Variants in CAPG observed in about 807,000 individuals in gnomAD.
The protein encoded by CAPG is capping actin protein, gelsolin like.
A neutral mutation model predicts 44.6 loss-of-function variants in CAPG; 32 were observed. The observed-to-expected ratio is 0.72, with a 90% CI of 0.54 to 0.96. The LOEUF is 0.96. Ranked by LOEUF, CAPG falls within the 50% of genes least tolerant of loss-of-function variation. The pLI is 0.00. For missense variants in CAPG, 412 were observed against 438.3 expected (o/e 0.94, Z 0.54); for synonymous variants, 175 against 179.6 (o/e 0.97, Z 0.20).
In CAPG at chr2:85,399,275, G is replaced by A. The variant is rs998330283; in HGVS notation, c.527C>T (p.Ala176Val). The change falls in exon 6 of 10, where the codon GCC becomes GTC. Residue 176 changes from alanine to valine, a missense_variant. Ala to Val is a moderately conservative substitution (Grantham distance 64). Coordinates refer to ENST00000263867, the MANE Select transcript of CAPG (RefSeq NM_001747.4). ...FILDLGQNIF[A>V]WCGGKSNILE... is the part of the protein sequence containing the mutation. The stretch of plus-strand genomic sequence containing the variant: ...GATGTTGGACTTTCCACCACACCAG[G>A]CGAAGATGTTCTGCAAGGAAGCAGG... The A allele has an allele frequency of 6.2e-7, 1 of 1,614,120 alleles. No individual in the cohort carries two copies. Among genetic ancestry groups the A allele is most frequent in the African/African-American group, 1.3e-5 (1 of 75,064 alleles).
At chr2:85,412,090 T>C (rs1483735579), upstream of CAPG, among the ~76,000 whole-genome samples, 1 of 149,822 alleles carries the variant, frequency 6.7e-6, no homozygotes, top group Non-Finnish European at 1.5e-5. Flanking sequence ...ACTGGATGAA[T>C]GTTTCTCATT....
intron 1 of CAPG, among the ~76,000 whole-genome samples, chr2:85,417,273 G>A (rs1189230763): frequency 6.6e-6 from 1 of 152,136 alleles, no homozygotes; most frequent in African/African-American, 2.4e-5. Flanking sequence ...CTCTAACATG[G>A]ATCCTCTTAT....
chr2:85,419,212 GC>G (rs1388409234), upstream of CAPG: 1 of 152,320 alleles, frequency 6.6e-6, no homozygotes, highest in African/African-American at 2.4e-5. Flanking sequence ...GGCGCCCTGC[GC>G]CCAGGCATCA....
chr2:85,401,482 C>T (rs1400000136), intron 4 of CAPG, 47 bp downstream of exon 4: 1 of 1,606,778 alleles, frequency 6.2e-7, no homozygotes, highest in Non-Finnish European at 8.5e-7. Context: ...GCAGGGCTGG[C>T]TCTGAGGGAA....
Position 85,395,704 on chromosome 2 carries a change from A to G in CAPG, c.893-78T>C, listed in dbSNP as rs1209255605. 2 of 1,046,188 alleles carry G rather than the reference A, an allele frequency of 1.9e-6. No homozygotes were observed. Among genetic ancestry groups the G allele is most frequent in the Non-Finnish European group, 2.9e-6 (2 of 693,448 alleles). 64.8% of individuals were successfully genotyped at this position (1,046,188 alleles called of 1,614,324 possible). A position where few individuals can be genotyped will look rare whatever the true frequency, so the allele number is the denominator to read the frequency against. On this transcript the variant is annotated intron_variant, in intron 8 of 9. Coordinates refer to ENST00000263867, the MANE Select transcript of CAPG (RefSeq NM_001747.4). This position sits in a 1 kb window ranked among gnomAD's most constrained non-coding sequence, Gnocchi z 4.3. ...CATCCCATTTTTCTTGAGGAAATTT[A>G]AGGGAGTCCACAGAAGAGCCAGCAA...
chr2:85,405,273 G>A (rs571927861), intron 1 of CAPG, among the ~76,000 whole-genome samples: 2 of 152,048 alleles, frequency 1.3e-5, no homozygotes, highest in Non-Finnish European at 2.9e-5. Context: ...CAACAGCTAC[G>A]GCTCCACTCA....
At chr2:85,404,486 C>T (rs1055080488) in intron 1 of CAPG, among the ~76,000 whole-genome samples, 1 of 152,164 alleles carries the variant, frequency 6.6e-6, no homozygotes, top group Admixed American at 6.5e-5. Flanking sequence ...TGCAGTGGCT[C>T]ACACCTGTAA....
rs1686937982 is a variant in CAPG, at chr2:85,402,221, C to T, written c.-13-63G>A. Reference sequence around the variant, plus strand: ...CACAAAAAGGACCTCTCACGTGGGGCTGGAGAGGCCCTTTCCAGTGGCCAA... The same window carrying T: ...CACAAAAAGGACCTCTCACGTGGGGTTGGAGAGGCCCTTTCCAGTGGCCAA... On this transcript the variant is annotated intron_variant, in intron 1 of 9. Coordinates refer to ENST00000263867, the MANE Select transcript of CAPG (RefSeq NM_001747.4). 15 of 1,382,364 alleles carry T rather than the reference C, an allele frequency of 1.1e-5. No individual in the cohort carries two copies. The South Asian group carries it at 1.7e-4, about 16-fold the overall frequency. 85.6% of individuals were successfully genotyped at this position (1,382,364 alleles called of 1,614,324 possible).
In CAPG at chr2:85,395,110, A is replaced by G; in HGVS notation, c.982-152T>C. The G allele has an allele frequency of 1.5e-6, 1 of 668,412 alleles. No individual in the cohort carries two copies. 41.4% of individuals were successfully genotyped at this position (668,412 alleles called of 1,614,324 possible). The stretch of plus-strand genomic sequence containing the variant: ...CAGGCTGGGAAAGCTCCCCTGGATG[A>G]GCCATGAGATGAGAACCAAGATTTC... On this transcript the variant is annotated intron_variant, in intron 9 of 9. Transcript: ENST00000263867. The surrounding 1 kb of genome is among the most constrained non-coding windows in gnomAD (Gnocchi z 4.3).
At chr2:85,408,655 AG>A (rs926151356) in intron 1 of CAPG, 21 of 152,284 alleles carry the variant, frequency 1.4e-4, no homozygotes, top group African/African-American at 4.6e-4. Context: ...TGACATGCAC[AG>A]AGACAAAGAA....
At chr2:85,408,379 C>CACACACACACACA (rs1414612076) in intron 1 of CAPG, among the ~76,000 whole-genome samples, 2 of 146,150 alleles carry the variant, frequency 1.4e-5, no homozygotes, top group African/African-American at 5.0e-5. Context: ...CACACACACA[C>CACACACACACACA]AAGCCCCCTT....
chr2:85,401,880 A>C lies in CAPG; in HGVS notation c.101T>G (p.Val34Gly). 1.2e-6 allele frequency: 2 copies of C among 1,613,686 alleles called. No individual in the cohort carries two copies. The highest frequency in any genetic ancestry group is 1.7e-6 in the Non-Finnish European group (2 of 1,179,928). ...GAAGACGCCCTGGTTCTCTTGCGCC[A>C]CAGGCACCGGCTTCAGCTTCTCCAC... ...WRVEKLKPVP[V>G]AQENQGVFFS... Residue 34 changes from valine (V) to glycine (G), a missense_variant, in exon 3 of 10, where the codon GTG (valine) becomes GGG (glycine). Val to Gly is a moderately radical substitution (Grantham distance 109). Transcript: ENST00000263867.
At chr2:85,408,971 G>A (rs1474523727) in intron 1 of CAPG, among the ~76,000 whole-genome samples, 1 of 152,108 alleles carries the variant, frequency 6.6e-6, no homozygotes, top group Non-Finnish European at 1.5e-5. Context: ...AAGGCTTCCA[G>A]TGATGGGAAA....
chr2:85,407,939 C>G (rs904627731), intron 1 of CAPG, among the ~76,000 whole-genome samples: 16 of 152,116 alleles, frequency 1.1e-4, no homozygotes, highest in African/African-American at 3.9e-4. Flanking sequence ...GGGGAAGGGT[C>G]CACCCTGACC....
At chr2:85,411,509 G>C, upstream of CAPG, among the ~76,000 whole-genome samples, 1 of 152,200 alleles carries the variant, frequency 6.6e-6, no homozygotes, top group South Asian at 2.1e-4. Context: ...CTGGGGGAAG[G>C]ATGAGCGGAC....
At chr2:85,401,363 C>A (rs1260764354) in intron 4 of CAPG, 34 bp from the exon 5 acceptor site, 1 of 1,606,376 alleles carries the variant, frequency 6.2e-7, no homozygotes, top group African/African-American at 1.3e-5. Context: ...AGTGGACTGA[C>A]AGGAGACCCA....
chr2:85,407,400 C>A (rs1195816712), intron 1 of CAPG, among the ~76,000 whole-genome samples: 1 of 152,036 alleles, frequency 6.6e-6, no homozygotes, highest in Non-Finnish European at 1.5e-5. Flanking sequence ...ACATTAGAAT[C>A]ATTTGGGGGC....
chr2:85,401,051 T>C (rs1686857947), intron 5 of CAPG, 114 bp downstream of exon 5: 2 of 980,642 alleles, frequency 2.0e-6, no homozygotes, highest in South Asian at 1.6e-5. Flanking sequence ...GTGATCTCAC[T>C]TGGAATGGGT....
chr2:85,408,338 T>A (rs1420394320), intron 1 of CAPG, among the ~76,000 whole-genome samples: 1 of 129,490 alleles, frequency 7.7e-6, no homozygotes, highest in South Asian at 2.6e-4. Context: ...GAAGAATCTG[T>A]CACACACACA....
Sources: gnomAD v4.1 joint callset for allele counts (sites outside exome capture counted in the v4.1 genomes callset) on GRCh38, gnomAD v4.1.1 for gene constraint, Gnocchi (gnomAD v3.1) non-coding constraint, MANE v1.5 for transcripts, NCBI Gene and HGNC (gene_info 2026-07-23, HGNC 2026-07-21) for gene names.